Variants in DUSP22 observed in about 807,000 individuals in gnomAD.
The protein encoded by DUSP22 is dual specificity phosphatase 22.
Under a neutral mutation model 24.5 loss-of-function variants are expected in DUSP22, and 24 were observed. The observed-to-expected ratio is 0.98, with a 90% CI of 0.71 to 1.38. The LOEUF is 1.38. DUSP22 is among the 40% of genes most tolerant of loss of function. DUSP22 has a pLI of 0.00. For missense variants in DUSP22, 330 were observed against 269.2 expected, an observed-to-expected ratio of 1.23 and a Z score of -1.58; for synonymous variants, 160 against 106.4, an observed-to-expected ratio of 1.50 and a Z score of -3.10.
chr6:308,988 T>G (rs953702670), intron 2 of DUSP22, among the ~76,000 whole-genome samples: 1 of 152,302 alleles, frequency 6.6e-6, no homozygotes, highest in African/African-American at 2.4e-5. Context: ...GCTGTGGCTT[T>G]GTCTGTTTCA....
chr6:331,371 A>C (rs1759131842), intron 3 of DUSP22, among the ~76,000 whole-genome samples: 1 of 152,306 alleles, frequency 6.6e-6, no homozygotes, highest in Non-Finnish European at 1.5e-5. Flanking sequence ...TACTAATGGA[A>C]ACATTGCTGT....
intron 3 of DUSP22, among the ~76,000 whole-genome samples, chr6:333,832 G>A (rs192942949): frequency 6.2e-4 from 95 of 152,384 alleles, no homozygotes; most frequent in Non-Finnish European, 7.8e-4. Context: ...CTGCCGATCC[G>A]ACTCCTGAGG....
intron 1 of DUSP22, among the ~76,000 whole-genome samples, chr6:296,665 A>G (rs1456144100): frequency 6.6e-6 from 1 of 152,302 alleles, no homozygotes; most frequent in Non-Finnish European, 1.5e-5. Context: ...ATTAGTCTTC[A>G]GTACTACAAT....
chr6:323,460 A>G (rs1419781395), intron 3 of DUSP22, among the ~76,000 whole-genome samples: 2 of 152,308 alleles, frequency 1.3e-5, no homozygotes, highest in African/African-American at 4.8e-5. Context: ...GGAACGAAGT[A>G]GGTGCATCTG....
chr6:304,790 C>A, intron 2 of DUSP22, 129 bp downstream of exon 2: 3 of 1,337,330 alleles, frequency 2.2e-6, no homozygotes, highest in Non-Finnish European at 3.2e-6. Flanking sequence ...TCACCAACAT[C>A]CTTCTGCAGG....
intron 3 of DUSP22, among the ~76,000 whole-genome samples, chr6:329,488 T>A (rs946062060): frequency 2.0e-5 from 3 of 152,302 alleles, no homozygotes; most frequent in East Asian, 3.8e-4. Context: ...AGAGTCTCGC[T>A]ATATCCCAGA....
intron 3 of DUSP22, among the ~76,000 whole-genome samples, chr6:330,468 G>A (rs530361050): frequency 1.3e-5 from 2 of 152,428 alleles, no homozygotes; most frequent in South Asian, 2.1e-4. Flanking sequence ...AACAGTGAAT[G>A]TTAGAAATCA....
intron 3 of DUSP22, among the ~76,000 whole-genome samples, chr6:318,911 T>C (rs1201170139): frequency 6.6e-6 from 1 of 152,302 alleles, no homozygotes. Context: ...CAGGGTTAAG[T>C]CCACTGTTAA....
chr6:331,189 G>A (rs1343717693), intron 3 of DUSP22, among the ~76,000 whole-genome samples: 2 of 152,306 alleles, frequency 1.3e-5, no homozygotes, highest in African/African-American at 2.4e-5. Context: ...TCATAAAACT[G>A]TGATGTTAAT....
chr6:349,680 A>G lies in DUSP22; in HGVS notation c.*729A>G, dbSNP rs1203678625. The G allele has an allele frequency of 1.0e-6, 1 of 986,118 alleles. No homozygotes were observed. The highest frequency in any genetic ancestry group is 1.2e-6 in the Non-Finnish European group (1 of 830,370). 61.1% of individuals were successfully genotyped at this position (986,118 alleles called of 1,614,324 possible). ...GTGGGCCAGCACTTTATACCAACTC[A>G]GCATTTAAGGGAAGTATCTTAGATT... On this transcript the variant is annotated 3_prime_UTR_variant, in exon 7 of 7. Coordinates refer to ENST00000419235, the MANE Select transcript of DUSP22 (RefSeq NM_001286555.3).
At chr6:346,641 A>G (rs1395682046) in intron 5 of DUSP22, among the ~76,000 whole-genome samples, 1 of 152,308 alleles carries the variant, frequency 6.6e-6, no homozygotes, top group South Asian at 2.1e-4. Flanking sequence ...TCAGGAGCCA[A>G]GGCTCTGTTG....
At position 348,766 on chromosome 6, in the gene DUSP22, C is replaced by A; in HGVS notation, c.436-3C>A. 6.2e-7 allele frequency: 1 copy of A among 1,614,278 alleles called. No homozygotes were observed. The highest frequency in any genetic ancestry group is 1.1e-5 in the South Asian group (1 of 91,078). On this transcript the variant is annotated splice_polypyrimidine_tract_variant and splice_region_variant and intron_variant, in intron 6 of 6. Coordinates refer to ENST00000419235, the MANE Select transcript of DUSP22 (RefSeq NM_001286555.3). Reference sequence around the variant, plus strand: ...GTTTCGGGTTTGTTTCCATCCTCTCCAGTATCGGCAGTGGCTGAAGGAAGA... The same window carrying A: ...GTTTCGGGTTTGTTTCCATCCTCTCAAGTATCGGCAGTGGCTGAAGGAAGA...
intron 3 of DUSP22, 21 bp downstream of exon 3, chr6:311,983 G>T (rs200561921): frequency 1.8e-5 from 29 of 1,602,644 alleles, no homozygotes; most frequent in Middle Eastern, 1.7e-4. Flanking sequence ...ACCGTGGGGC[G>T]TGTGTGGGTG....
chr6:348,565 T>C, intron 6 of DUSP22: 1 of 957,866 alleles, frequency 1.0e-6, no homozygotes, highest in Non-Finnish European at 1.5e-6. Flanking sequence ...CCTATTTTCA[T>C]GTCCTAGGCC....
At chr6:295,207 T>C (rs1485531366) in intron 1 of DUSP22, among the ~76,000 whole-genome samples, 1 of 152,300 alleles carries the variant, frequency 6.6e-6, no homozygotes, top group Admixed American at 6.5e-5. Flanking sequence ...GTGTGTGCCC[T>C]GAGGTTACTG....
At chr6:334,409 TTTA>T (rs539805468) in intron 3 of DUSP22, among the ~76,000 whole-genome samples, 857 of 149,000 alleles carry the variant, frequency 5.8e-3, no homozygotes, top group African/African-American at 0.021. Flanking sequence ...CATTTTTTTT[TTTA>T]AATAAATCTC....
At chr6:303,150 T>C (rs989705949) in intron 1 of DUSP22, among the ~76,000 whole-genome samples, 1 of 152,294 alleles carries the variant, frequency 6.6e-6, no homozygotes, top group African/African-American at 2.4e-5. Context: ...CCCTCGGGAA[T>C]GAGAGACTAC....
chr6:306,864 C>T (rs980554135), intron 2 of DUSP22, among the ~76,000 whole-genome samples: 15 of 152,412 alleles, frequency 9.8e-5, no homozygotes, highest in African/African-American at 3.4e-4. Flanking sequence ...AGTTACACAC[C>T]TGGGGGTGTA....
intron 1 of DUSP22, among the ~76,000 whole-genome samples, chr6:303,346 G>A (rs989652210): frequency 1.1e-4 from 16 of 152,298 alleles, no homozygotes; most frequent in Admixed American, 3.3e-4. Context: ...GATACATTAC[G>A]TGGCCCCTTG....
Sources: allele counts gnomAD v4.1 joint callset (sites outside exome capture counted in the v4.1 genomes callset), GRCh38; gene constraint gnomAD v4.1.1; transcripts MANE v1.5; gene names NCBI Gene and HGNC (gene_info 2026-07-23, HGNC 2026-07-21).